The following DLC1 variants were observed in gnomAD, a reference collection of about 807,000 sequenced individuals.
The protein encoded by DLC1 is DLC1 Rho GTPase activating protein, also known as rho GTPase-activating protein 7.
DLC1 carries 54 observed loss-of-function variants against 140.3 expected under a neutral mutation model. The ratio of observed to expected loss-of-function variants is 0.38; its 90% CI spans 0.31 to 0.48. DLC1 has a LOEUF of 0.48. DLC1 is among the 20% of genes least tolerant of loss of function. The pLI is 0.96. For missense variants in DLC1, 2,536 were observed against 1,907.0 expected, an observed-to-expected ratio of 1.33 and a Z score of -6.14; for synonymous variants, 986 against 728.1, an observed-to-expected ratio of 1.35 and a Z score of -5.70.
chr8:13,222,263 A>G (rs1156412707), intron 5 of DLC1, among the ~76,000 whole-genome samples: 2 of 152,066 alleles, frequency 1.3e-5, no homozygotes, highest in Non-Finnish European at 2.9e-5. Flanking sequence ...AGAGATAGAG[A>G]AACCCACATT....
intron 2 of DLC1, among the ~76,000 whole-genome samples, chr8:13,491,721 C>T (rs930480820): frequency 6.6e-6 from 1 of 152,110 alleles, no homozygotes; most frequent in Non-Finnish European, 1.5e-5. Flanking sequence ...TCCCTTGTCC[C>T]TCTTCTTCCC....
intron 4 of DLC1, among the ~76,000 whole-genome samples, chr8:13,382,505 CAAAAAAA>C (rs71207149): frequency 1.1e-4 from 4 of 35,522 alleles, no homozygotes; most frequent in Admixed American, 4.8e-4. Flanking sequence ...GACTCCGTCT[CAAAAAAA>C]AAAAAAAAAA....
intron 5 of DLC1, among the ~76,000 whole-genome samples, chr8:13,222,824 G>A (rs1347227836): frequency 6.6e-6 from 1 of 152,106 alleles, no homozygotes; most frequent in Non-Finnish European, 1.5e-5. Flanking sequence ...GCTCACTGTA[G>A]CCACAACCTC....
At chr8:13,510,525 C>A (rs1802312960) in intron 1 of DLC1, among the ~76,000 whole-genome samples, 1 of 152,136 alleles carries the variant, frequency 6.6e-6, no homozygotes, top group Non-Finnish European at 1.5e-5. Context: ...CACATGAAAT[C>A]TCATCTAATG....
At chr8:13,355,511 C>G (rs1461031458) in intron 4 of DLC1, among the ~76,000 whole-genome samples, 2 of 152,186 alleles carry the variant, frequency 1.3e-5, no homozygotes, top group African/African-American at 4.8e-5. Flanking sequence ...GGTTCTCCTC[C>G]TGGCTTGCAG....
Position 13,167,436 on chromosome 8 carries a change from G to C in DLC1, c.1349-51779C>G, listed in dbSNP as rs144370214. On this transcript the variant is annotated intron_variant, in intron 5 of 17. Coordinates refer to ENST00000276297, the MANE Select transcript of DLC1 (RefSeq NM_182643.3). ...CATGCCTCCTTTTGGATTTAGCCGAGGTCCTTTCCCTCATTTCCCTGGGGA... is the reference window on the plus strand; with the variant it reads ...CATGCCTCCTTTTGGATTTAGCCGACGTCCTTTCCCTCATTTCCCTGGGGA... Among the ~76,000 whole-genome samples, 272 of 152,184 alleles carry C rather than the reference G, an allele frequency of 1.8e-3. 2 individuals carry two copies. Among genetic ancestry groups the C allele is most frequent in the African/African-American group, 6.3e-3 (263 of 41,522 alleles).
At position 13,499,635 on chromosome 8, in the gene DLC1, G is replaced by A. The variant is rs891112840; in HGVS notation, c.437C>T (p.Ser146Phe). The A allele has an allele frequency of 8.1e-6, 13 of 1,614,138 alleles. No homozygotes were observed. Among genetic ancestry groups the A allele is most frequent in the Non-Finnish European group, 1.1e-5 (13 of 1,180,012 alleles). ...TATGATGGGCAGTGCCTTTTCTAAG[G>A]AGCCTGCTCCTTGGATCATATGTTG... Reference protein sequence around the residue: ...SGQHMIQGAGSLEKALPIIQS... With the variant: ...SGQHMIQGAGFLEKALPIIQS... The change falls in exon 2 of 18, where the codon TCC becomes TTC. Residue 146 changes from serine to phenylalanine, a missense_variant. Transcript: ENST00000276297.
chr8:13,307,938 C>A (rs1405123740), intron 4 of DLC1, among the ~76,000 whole-genome samples: 2 of 152,116 alleles, frequency 1.3e-5, no homozygotes, highest in African/African-American at 2.4e-5. Context: ...TATGATAAGA[C>A]ATTTACTTAG....
chr8:13,122,525 T>C (rs760420054), intron 5 of DLC1, among the ~76,000 whole-genome samples: 21 of 152,202 alleles, frequency 1.4e-4, no homozygotes, highest in Non-Finnish European at 2.9e-4. Flanking sequence ...TTTTCCTTTC[T>C]TTAAAGGCAG....
chr8:13,097,514 T>C (rs527303090), intron 10 of DLC1, among the ~76,000 whole-genome samples: 2 of 152,276 alleles, frequency 1.3e-5, no homozygotes, highest in South Asian at 4.1e-4. Flanking sequence ...TCCACCTATG[T>C]CAGATTCCCA....
chr8:13,318,785 G>T (rs972163410), intron 4 of DLC1, among the ~76,000 whole-genome samples: 2 of 152,188 alleles, frequency 1.3e-5, no homozygotes, highest in African/African-American at 2.4e-5. Flanking sequence ...CTTTCTACAT[G>T]TCAGTCCTTG....
Position 13,500,136 on chromosome 8 carries a change from G to C in DLC1, c.-65C>G. 7.4e-7 allele frequency: 1 copy of C among 1,350,252 alleles called. No individual in the cohort carries two copies. The highest frequency in any genetic ancestry group is 1.0e-6 in the Non-Finnish European group (1 of 985,538). The allele number at this position is 1,350,252 out of a possible 1,614,324, so 83.6% of individuals were successfully genotyped here. Reference sequence around the variant, plus strand: ...TATGAGGGTAAAGGAGATGGAACTTGATGAAAGATTATTTCAAAATCACCA... The same window carrying C: ...TATGAGGGTAAAGGAGATGGAACTTCATGAAAGATTATTTCAAAATCACCA... On this transcript the variant is annotated 5_prime_UTR_variant, in exon 2 of 18. It adds an upstream start codon to the 5' untranslated region. Transcript: ENST00000276297.
intron 2 of DLC1, among the ~76,000 whole-genome samples, chr8:13,407,244 G>A (rs569130546): frequency 6.6e-6 from 1 of 152,298 alleles, no homozygotes; most frequent in Admixed American, 6.5e-5. Context: ...GATTGCAGTG[G>A]TATCTGGGGA....
intron 4 of DLC1, among the ~76,000 whole-genome samples, chr8:13,345,547 CTT>C (rs535092622): frequency 0.34 from 22,790 of 66,676 alleles, 3,277 homozygotes; most frequent in Middle Eastern, 0.47. Flanking sequence ...TTCACTCACA[CTT>C]TTTTTTTTTT....
At chr8:13,424,635 C>G (rs554983524) in intron 2 of DLC1, among the ~76,000 whole-genome samples, 9 of 152,082 alleles carry the variant, frequency 5.9e-5, no homozygotes, top group African/African-American at 1.7e-4. Flanking sequence ...TGCAGTGCTG[C>G]GATCTTGGCT....
chr8:13,512,841 A>C (rs1271651936), intron 1 of DLC1, among the ~76,000 whole-genome samples: 1 of 152,118 alleles, frequency 6.6e-6, no homozygotes, highest in Non-Finnish European at 1.5e-5. Flanking sequence ...ATAAACATCA[A>C]ATATAATAAA....
At chr8:13,203,936 C>G (rs1012523227) in intron 5 of DLC1, among the ~76,000 whole-genome samples, 1 of 152,134 alleles carries the variant, frequency 6.6e-6, no homozygotes, top group African/African-American at 2.4e-5. Flanking sequence ...TGCTATTACC[C>G]TGGAGGAGGC....
chr8:13,097,981 C>T (rs1295835337), intron 10 of DLC1, among the ~76,000 whole-genome samples: 2 of 146,676 alleles, frequency 1.4e-5, no homozygotes, highest in African/African-American at 5.1e-5. Flanking sequence ...CCCAGGAATT[C>T]CAGACCAGCC....
intron 5 of DLC1, among the ~76,000 whole-genome samples, chr8:13,150,487 C>T (rs916304502): frequency 5.9e-5 from 9 of 152,126 alleles, no homozygotes; most frequent in African/African-American, 2.2e-4. Flanking sequence ...GTGTGTAACC[C>T]TTATCATGTG....
Sources: allele counts gnomAD v4.1 joint callset (sites outside exome capture counted in the v4.1 genomes callset), GRCh38; gene constraint gnomAD v4.1.1; transcripts MANE v1.5; gene names NCBI Gene and HGNC (gene_info 2026-07-23, HGNC 2026-07-21).